Variants in AK6 observed in about 807,000 individuals in gnomAD.
AK6 encodes adenylate kinase isoenzyme 6.
AK6 carries 24 observed loss-of-function variants against 23.7 expected under a neutral mutation model. That is an observed-to-expected ratio of 1.01 (90% confidence interval 0.73 to 1.43). The LOEUF (loss-of-function observed/expected upper bound fraction) is 1.43, where lower values mean the gene tolerates loss of function less well. AK6 is among the 40% of genes most tolerant of loss of function. The probability of loss-of-function intolerance (pLI) is 0.00; values close to 1 mark genes in which losing one functional copy is unlikely to be tolerated. For synonymous variants in AK6, 73 were observed against 69.8 expected, an observed-to-expected ratio of 1.05 and a Z score of -0.23; for missense variants, 191 against 199.1, an observed-to-expected ratio of 0.96 and a Z score of 0.24.
upstream of AK6, chr5:69,369,565 G>A: frequency 6.2e-7 from 1 of 1,607,944 alleles, no homozygotes; most frequent in East Asian, 2.2e-5. Flanking sequence ...GAAGGGGCGG[G>A]CGGCAGCAAA....
At chr5:69,358,706 T>C (rs1312606708) in intron 2 of AK6, among the ~76,000 whole-genome samples, 1 of 152,042 alleles carries the variant, frequency 6.6e-6, no homozygotes, top group Non-Finnish European at 1.5e-5. Flanking sequence ...GAACGGATCC[T>C]AAACTTCATT....
chr5:69,364,196 A>G (rs1762322983), intron 2 of AK6, among the ~76,000 whole-genome samples: 1 of 151,382 alleles, frequency 6.6e-6, no homozygotes, highest in Admixed American at 6.6e-5. Context: ...TTGGACAAAA[A>G]AATATTTTAA....
In AK6 at chr5:69,355,675, A is replaced by G; in HGVS notation, c.300T>C (p.Asn100=). 2.5e-6 allele frequency: 4 copies of G among 1,612,694 alleles called. No homozygotes were observed. The highest frequency in any genetic ancestry group is 3.4e-6 in the Non-Finnish European group (4 of 1,179,814). The part of the protein sequence containing the change: ...HIVFVLRTDT[N]VLYERLETRG... ...TTGTTTCAAGTCTTTCGTACAATAC[A>G]TTGGTATCTGTTCTCAGCACAAAAA... The change falls in exon 4 of 5, where the codon AAT becomes AAC. Residue 100 remains asparagine (N), a synonymous_variant. Coordinates refer to ENST00000380822, the MANE Select transcript of AK6 (RefSeq NM_016283.5).
At chr5:69,353,570 A>G (rs1333807805) in intron 4 of AK6, among the ~76,000 whole-genome samples, 2 of 152,160 alleles carry the variant, frequency 1.3e-5, no homozygotes, top group Non-Finnish European at 2.9e-5. Flanking sequence ...TGCTGGAATT[A>G]CAGGCGTGAG....
chr5:69,351,482 T>A lies in AK6; in HGVS notation c.*579A>T, dbSNP rs985696865. 6.6e-6 allele frequency: 1 copy of A among 152,178 alleles called. No individual in the cohort carries two copies. Among genetic ancestry groups the A allele is most frequent in the Non-Finnish European group, 1.5e-5 (1 of 68,050 alleles). 9.4% of individuals were successfully genotyped at this position (152,178 alleles called of 1,614,324 possible). ...ACAGAATAGTGTGCATAATATACTG[T>A]TATATTCTTTAAAAAATGTACACAT... On this transcript the variant is annotated 3_prime_UTR_variant, in exon 5 of 5. Coordinates refer to ENST00000380822, the MANE Select transcript of AK6 (RefSeq NM_016283.5).
chr5:69,357,793 T>C (rs1762120278), intron 2 of AK6, among the ~76,000 whole-genome samples: 1 of 152,066 alleles, frequency 6.6e-6, no homozygotes, highest in Non-Finnish European at 1.5e-5. Context: ...TTGGACAAAA[T>C]TAGAAAATAA....
intron 4 of AK6, among the ~76,000 whole-genome samples, chr5:69,353,063 A>T (rs1182951591): frequency 6.6e-6 from 1 of 152,228 alleles, no homozygotes; most frequent in Non-Finnish European, 1.5e-5. Flanking sequence ...TTATTTGGCA[A>T]TAAAAAGAAA....
chr5:69,369,374 G>T, intron 1 of AK6, 89 bp downstream of exon 1: 1 of 1,475,194 alleles, frequency 6.8e-7, no homozygotes. Flanking sequence ...AGAGGGCAGT[G>T]AGGGGCCCCC....
intron 4 of AK6, among the ~76,000 whole-genome samples, chr5:69,354,662 CTG>C (rs1183598551): frequency 2.6e-5 from 4 of 152,204 alleles, no homozygotes; most frequent in Non-Finnish European, 4.4e-5. Flanking sequence ...CTATTAAAGA[CTG>C]TGAAATGCTG....
intron 2 of AK6, among the ~76,000 whole-genome samples, chr5:69,363,016 GC>G (rs1015627541): frequency 2.0e-5 from 3 of 152,044 alleles, no homozygotes; most frequent in Non-Finnish European, 2.9e-5. Context: ...GATCATTTGA[GC>G]CCAGGAGTAA....
Position 69,355,746 on chromosome 5 carries a change from C to A in AK6, c.229G>T (p.Asp77Tyr). Reference protein sequence around the residue: ...NQMREGGVIVDYHGCDFFPER... With the variant: ...NQMREGGVIVYYHGCDFFPER... ...GGGAAGAAATCACAACCATGGTAAT[C>A]AACAATAACTCCACCTTCTCTCATT... Residue 77 changes from aspartate (D) to tyrosine (Y), a missense_variant, in exon 4 of 5, where the codon GAT becomes TAT. Asp to Tyr is a radical substitution (Grantham distance 160). Transcript: ENST00000380822. The A allele has an allele frequency of 6.2e-7, 1 of 1,613,798 alleles. No homozygotes were observed.
At chr5:69,365,401 G>T (rs1561220519) in intron 2 of AK6, 2 of 1,614,190 alleles carry the variant, frequency 1.2e-6, no homozygotes, top group Non-Finnish European at 8.5e-7. Context: ...GGCAACCTAG[G>T]ACCTGAATAT....
intron 2 of AK6, among the ~76,000 whole-genome samples, chr5:69,360,556 A>G (rs1762203504): frequency 6.6e-6 from 1 of 152,176 alleles, no homozygotes; most frequent in Admixed American, 6.5e-5. Flanking sequence ...AAGGGAGTGA[A>G]TAGTCCTGAA....
chr5:69,352,849 G>A (rs1761982347), intron 4 of AK6, among the ~76,000 whole-genome samples: 1 of 152,034 alleles, frequency 6.6e-6, no homozygotes, highest in Non-Finnish European at 1.5e-5. Context: ...GTTATTGGAA[G>A]GGTCAAATAC....
At chr5:69,369,330 G>A in intron 1 of AK6, 133 bp downstream of exon 1, 2 of 893,306 alleles carry the variant, frequency 2.2e-6, no homozygotes, top group African/African-American at 1.8e-5. Context: ...CCGGGGCGCT[G>A]ACAACCGCCT....
At chr5:69,369,416 G>A (rs768712772) in intron 1 of AK6, 47 bp downstream of exon 1, 9 of 1,598,692 alleles carry the variant, frequency 5.6e-6, no homozygotes, top group Non-Finnish European at 6.8e-6. Context: ...AGCACTCTGC[G>A]CCCCCAGCCT....
At chr5:69,352,379 A>G in intron 4 of AK6, 126 bp from the exon 5 acceptor site, 1 of 673,454 alleles carries the variant, frequency 1.5e-6, no homozygotes, top group South Asian at 2.1e-5. Flanking sequence ...CTCTTCACCT[A>G]GAGAGGAGTG....
chr5:69,357,490 T>C (rs1015846254), intron 2 of AK6, among the ~76,000 whole-genome samples: 11 of 152,232 alleles, frequency 7.2e-5, no homozygotes, highest in Non-Finnish European at 1.5e-5. Context: ...TTTAAAATGT[T>C]GACTCTCTGT....
rs570305609 is a variant in AK6, at chr5:69,362,529, G to A, written c.121+3974C>T. Among the ~76,000 whole-genome samples the A allele has an allele frequency of 5.5e-4, 83 of 152,228 alleles. 1 individual carries two copies. The South Asian group carries it at 0.016, about 30-fold the overall frequency. On this transcript the variant is annotated intron_variant, in intron 2 of 4. Coordinates refer to ENST00000380822, the MANE Select transcript of AK6 (RefSeq NM_016283.5). ...CAGGCTGGGCACAATGGCTAACACCGGTAATCCCAGCACTTTTGAGAGGTC... is the reference window on the plus strand; with the variant it reads ...CAGGCTGGGCACAATGGCTAACACCAGTAATCCCAGCACTTTTGAGAGGTC...
Sources: gnomAD v4.1 joint callset for allele counts (sites outside exome capture counted in the v4.1 genomes callset) on GRCh38, gnomAD v4.1.1 for gene constraint, MANE v1.5 for transcripts, NCBI Gene and HGNC (gene_info 2026-07-23, HGNC 2026-07-21) for gene names.